Variants in PRICKLE1 observed in about 807,000 individuals in gnomAD.
PRICKLE1 encodes the protein prickle-like protein 1.
PRICKLE1 carries 14 observed loss-of-function variants against 70.2 expected under a neutral mutation model. The observed-to-expected ratio is 0.20, with a 90% CI of 0.13 to 0.31. The LOEUF (loss-of-function observed/expected upper bound fraction) is 0.31. Among genes scored for constraint, PRICKLE1 ranks in the 10% least tolerant of loss-of-function variants. The pLI is 1.00. For missense variants in PRICKLE1, 821 were observed against 1,026.2 expected, an observed-to-expected ratio of 0.80 and a Z score of 2.73; for synonymous variants, 357 against 379.9, an observed-to-expected ratio of 0.94 and a Z score of 0.70.
At chr12:42,509,595 G>A (rs1388865302) in intron 1 of PRICKLE1, among the ~76,000 whole-genome samples, 1 of 152,116 alleles carries the variant, frequency 6.6e-6, no homozygotes, top group Non-Finnish European at 1.5e-5. Context: ...ACACATAGAA[G>A]GAACTGGACA....
In PRICKLE1 at chr12:42,460,087, C is replaced by T. The variant is rs760738396; in HGVS notation, c.2218G>A (p.Asp740Asn). Reference sequence around the variant, plus strand: ...ATTCCTGGGTTCTGCAGGCCATAATCGGAAGTGGCATGGGCGTACTGTCCG... The same window carrying T: ...ATTCCTGGGTTCTGCAGGCCATAATTGGAAGTGGCATGGGCGTACTGTCCG... Reference protein sequence around the residue: ...LYGQYAHATSDYGLQNPGMNR... With the variant: ...LYGQYAHATSNYGLQNPGMNR... Residue 740 changes from aspartate to asparagine, a missense_variant, in exon 8 of 8, where the codon GAT becomes AAT. Coordinates refer to ENST00000345127, the MANE Select transcript of PRICKLE1 (RefSeq NM_153026.3). The T allele has an allele frequency of 5.6e-6, 9 of 1,613,968 alleles. No homozygotes were observed. The African/African-American group carries it at 6.7e-5, about 12-fold the overall frequency.
intron 1 of PRICKLE1, among the ~76,000 whole-genome samples, chr12:42,507,865 G>A (rs1939445595): frequency 6.6e-6 from 1 of 152,158 alleles, no homozygotes; most frequent in Non-Finnish European, 1.5e-5. Flanking sequence ...TTCCTCATTA[G>A]CCAGAGAATA....
intron 1 of PRICKLE1, among the ~76,000 whole-genome samples, chr12:42,510,561 C>A (rs1047326372): frequency 6.8e-6 from 1 of 146,934 alleles, no homozygotes; most frequent in African/African-American, 2.5e-5. Flanking sequence ...AAACAAAGAG[C>A]ATTTTTAAGG....
At chr12:42,509,215 G>A (rs909773949) in intron 1 of PRICKLE1, among the ~76,000 whole-genome samples, 1 of 152,178 alleles carries the variant, frequency 6.6e-6, no homozygotes, top group African/African-American at 2.4e-5. Context: ...AAGTGCTAAG[G>A]CATTTACCCT....
intron 1 of PRICKLE1, among the ~76,000 whole-genome samples, chr12:42,556,945 A>T (rs1940423011): frequency 6.6e-6 from 1 of 152,192 alleles, no homozygotes; most frequent in South Asian, 2.1e-4. Flanking sequence ...TTAGTTTAGG[A>T]CAAAGACCAA....
intron 1 of PRICKLE1, among the ~76,000 whole-genome samples, chr12:42,548,976 C>G (rs1940259087): frequency 4.0e-4 from 1 of 2,530 alleles, no homozygotes. Context: ...CAAAAATTAG[C>G]TGTGTGATAG....
At chr12:42,542,580 G>A (rs1460755280) in intron 1 of PRICKLE1, among the ~76,000 whole-genome samples, 1 of 152,134 alleles carries the variant, frequency 6.6e-6, no homozygotes, top group East Asian at 1.9e-4. Flanking sequence ...GAACCCAGGA[G>A]GCGGAGGTTG....
In PRICKLE1 at chr12:42,460,089, G is replaced by A. The variant is rs138452760; in HGVS notation, c.2216C>T (p.Ser739Phe). 1.1e-3 allele frequency: 1,722 copies of A among 1,614,136 alleles called. No individual in the cohort carries two copies. Among genetic ancestry groups the A allele is most frequent in the Non-Finnish European group, 1.4e-3 (1,614 of 1,180,036 alleles). Residue 739 changes from serine (S) to phenylalanine (F), a missense_variant, in exon 8 of 8, where the codon TCC becomes TTC. By Grantham distance (155) the Ser-to-Phe change is radical. Coordinates refer to ENST00000345127, the MANE Select transcript of PRICKLE1 (RefSeq NM_153026.3). ...DLYGQYAHAT[S>F]DYGLQNPGMN... is the part of the protein sequence containing the mutation. ...TCCTGGGTTCTGCAGGCCATAATCG[G>A]AAGTGGCATGGGCGTACTGTCCGTA...
At chr12:42,505,380 G>A (rs17091311) in intron 1 of PRICKLE1, among the ~76,000 whole-genome samples, 26,037 of 152,114 alleles carry the variant, frequency 0.17, 2,938 homozygotes, top group African/African-American at 0.3. Flanking sequence ...GTAGAATAAG[G>A]CAACAGCACT....
intron 1 of PRICKLE1, among the ~76,000 whole-genome samples, chr12:42,497,360 A>G (rs906763516): frequency 6.6e-6 from 1 of 152,040 alleles, no homozygotes; most frequent in Non-Finnish European, 1.5e-5. Flanking sequence ...CCTGGCTAAC[A>G]CGGTGAAACC....
intron 7 of PRICKLE1, among the ~76,000 whole-genome samples, chr12:42,461,108 C>T (rs959878568): frequency 8.6e-5 from 13 of 152,046 alleles, no homozygotes; most frequent in South Asian, 2.1e-4. Context: ...CTCGAACTCC[C>T]GACCTCAGGT....
chr12:42,563,952 C>T (rs903945824), intron 1 of PRICKLE1, among the ~76,000 whole-genome samples: 2 of 151,892 alleles, frequency 1.3e-5, no homozygotes, highest in Non-Finnish European at 2.9e-5. Context: ...CCATCCTTCT[C>T]CCACTATGAA....
At chr12:42,463,901 A>G (rs892438984) in intron 7 of PRICKLE1, among the ~76,000 whole-genome samples, 2 of 152,240 alleles carry the variant, frequency 1.3e-5, no homozygotes, top group Admixed American at 6.5e-5. Context: ...CACTGTAAAT[A>G]TATTTTATGC....
At chr12:42,564,967 G>A (rs915932418) in intron 1 of PRICKLE1, among the ~76,000 whole-genome samples, 1 of 152,206 alleles carries the variant, frequency 6.6e-6, no homozygotes, top group African/African-American at 2.4e-5. Flanking sequence ...CAAACTGAAA[G>A]TAAACAAAGA....
At chr12:42,566,128 G>A (rs532928545) in intron 1 of PRICKLE1, among the ~76,000 whole-genome samples, 1 of 152,264 alleles carries the variant, frequency 6.6e-6, no homozygotes, top group African/African-American at 2.4e-5. Flanking sequence ...GGTATCATGA[G>A]ATCCTCATTT....
At chr12:42,544,540 C>A (rs1306440921) in intron 1 of PRICKLE1, among the ~76,000 whole-genome samples, 3 of 152,140 alleles carry the variant, frequency 2.0e-5, no homozygotes, top group South Asian at 2.1e-4. Context: ...TAACTTCAGG[C>A]CCCTAAAGAT....
intron 5 of PRICKLE1, 107 bp downstream of exon 5, chr12:42,468,519 C>G: frequency 1.0e-6 from 1 of 1,001,884 alleles, no homozygotes; most frequent in Non-Finnish European, 1.6e-6. Flanking sequence ...AACATGCACA[C>G]AGAACAAAAT....
Position 42,504,001 on chromosome 12 carries a change from G to A in PRICKLE1, c.-48-31437C>T, listed in dbSNP as rs141719399. On this transcript the variant is annotated intron_variant, in intron 1 of 7. Coordinates refer to ENST00000345127, the MANE Select transcript of PRICKLE1 (RefSeq NM_153026.3). ...ATTCTAGGTCTGTGGCAAAAAAACA[G>A]AATCAAAAACCCACTTCCTCACAAA... is the stretch of plus-strand genomic sequence containing the variant. 1.3e-3 allele frequency among the ~76,000 whole-genome samples: 193 copies of A among 151,306 alleles called. 1 individual carries two copies. The highest frequency in any genetic ancestry group is 4.4e-3 in the African/African-American group (181 of 40,960).
chr12:42,498,499 CG>C (rs1156324922), intron 1 of PRICKLE1, among the ~76,000 whole-genome samples: 2 of 152,002 alleles, frequency 1.3e-5, no homozygotes, highest in South Asian at 2.1e-4. Flanking sequence ...ATCTCTTCTG[CG>C]GGCCAGGCAT....
Sources: allele counts gnomAD v4.1 joint callset (sites outside exome capture counted in the v4.1 genomes callset), GRCh38; gene constraint gnomAD v4.1.1; transcripts MANE v1.5; gene names NCBI Gene and HGNC (gene_info 2026-07-23, HGNC 2026-07-21).